PAPPA2: variants seen among roughly 807,000 people sequenced by gnomAD.
PAPPA2 encodes the protein pappalysin 2, also known as pappalysin-2.
A neutral mutation model predicts 176.4 loss-of-function variants in PAPPA2; 86 were observed. The observed-to-expected ratio is 0.49, with a 90% CI of 0.41 to 0.58. The LOEUF is 0.58. Ranked by LOEUF, PAPPA2 falls within the 20% of genes least tolerant of loss-of-function variation. The probability of loss-of-function intolerance (pLI) is 0.00; values close to 1 mark genes in which losing one functional copy is unlikely to be tolerated. For synonymous variants in PAPPA2, 809 were observed against 852.2 expected (o/e 0.95, Z 0.88); for missense variants, 2,073 against 2,256.9 (o/e 0.92, Z 1.65).
chr1:176,657,568 G>A (rs776457508), intron 3 of PAPPA2, among the ~76,000 whole-genome samples: 12 of 151,950 alleles, frequency 7.9e-5, no homozygotes, highest in Non-Finnish European at 1.6e-4. Context: ...TTTATAAATA[G>A]AACCAACAGA....
intron 1 of PAPPA2, among the ~76,000 whole-genome samples, chr1:176,466,614 C>G (rs1651631261): frequency 1.3e-5 from 2 of 152,074 alleles, no homozygotes; most frequent in Non-Finnish European, 2.9e-5. Context: ...GGGAAGGTCT[C>G]ATGGAGAGAG....
intron 19 of PAPPA2, among the ~76,000 whole-genome samples, chr1:176,793,213 G>A (rs536661274): frequency 6.6e-6 from 1 of 152,238 alleles, no homozygotes; most frequent in Admixed American, 6.5e-5. Flanking sequence ...TCTAGCTAGA[G>A]TCCTGGAGGG....
chr1:176,569,882 T>C (rs551364851), intron 2 of PAPPA2, among the ~76,000 whole-genome samples: 47 of 152,318 alleles, frequency 3.1e-4, no homozygotes, highest in African/African-American at 1.1e-3. Context: ...TTCCCCTCAG[T>C]AGTATCTAGA....
intron 1 of PAPPA2, among the ~76,000 whole-genome samples, chr1:176,499,007 A>G (rs780050724): frequency 2.0e-5 from 3 of 151,112 alleles, no homozygotes; most frequent in Non-Finnish European, 4.4e-5. Context: ...TTTTTTTCTA[A>G]TATTAATTTA....
At chr1:176,629,441 C>G (rs1656222216) in intron 3 of PAPPA2, among the ~76,000 whole-genome samples, 1 of 152,054 alleles carries the variant, frequency 6.6e-6, no homozygotes, top group Non-Finnish European at 1.5e-5. Flanking sequence ...ATGGGTCTGC[C>G]AGAGCCTCAG....
intron 5 of PAPPA2, among the ~76,000 whole-genome samples, chr1:176,691,807 C>A (rs982037737): frequency 2.0e-5 from 3 of 152,176 alleles, no homozygotes; most frequent in African/African-American, 7.2e-5. Context: ...GTGAAAAGGC[C>A]ATCTGTTGAA....
At chr1:176,673,416 C>T (rs61822993) in intron 4 of PAPPA2, among the ~76,000 whole-genome samples, 9,966 of 152,124 alleles carry the variant, frequency 0.066, 359 homozygotes, top group South Asian at 0.14. Flanking sequence ...AAGAAAATAT[C>T]TCCAACTTGA....
At chr1:176,677,804 A>G (rs954285493) in intron 4 of PAPPA2, among the ~76,000 whole-genome samples, 1 of 152,126 alleles carries the variant, frequency 6.6e-6, no homozygotes, top group Non-Finnish European at 1.5e-5. Flanking sequence ...TACCATACTC[A>G]TTGTCATTGA....
rs771865699 is a variant in PAPPA2 at position 176,692,293 on chromosome 1, C to T, written c.2599C>T (p.Pro867Ser). Residue 867 changes from proline (P) to serine (S), a missense_variant, in exon 6 of 23, where the codon CCT (proline) becomes TCT (serine). Transcript: ENST00000367662. Reference sequence around the variant, plus strand: ...GTCCCTCACTATCCACTGGCTGCCTCCTATTAGTGGAGTTGTATATGACAG... The same window carrying T: ...GTCCCTCACTATCCACTGGCTGCCTTCTATTAGTGGAGTTGTATATGACAG... ...NKSLTIHWLP[P>S]ISGVVYDRAS... 1.2e-6 allele frequency: 2 copies of T among 1,613,658 alleles called. No homozygotes were observed. Among genetic ancestry groups the T allele is most frequent in the Non-Finnish European group, 1.7e-6 (2 of 1,179,680 alleles).
intron 1 of PAPPA2, among the ~76,000 whole-genome samples, chr1:176,540,582 G>C (rs964721448): frequency 6.6e-6 from 1 of 152,116 alleles, no homozygotes; most frequent in African/African-American, 2.4e-5. Context: ...AGTGGTGGCT[G>C]GTATCTAGAA....
intron 3 of PAPPA2, among the ~76,000 whole-genome samples, chr1:176,609,861 A>G (rs1377269326): frequency 6.6e-6 from 1 of 152,210 alleles, no homozygotes; most frequent in African/African-American, 2.4e-5. Context: ...AAGATATTTC[A>G]TAAGTGGAAG....
chr1:176,797,691 C>T (rs1478197385), intron 20 of PAPPA2, among the ~76,000 whole-genome samples: 1 of 151,780 alleles, frequency 6.6e-6, no homozygotes, highest in Admixed American at 6.6e-5. Context: ...AAAATTGTTT[C>T]ACCTCTCACC....
In PAPPA2 at chr1:176,569,274, A is replaced by G. The variant is rs536932860; in HGVS notation, c.919+12033A>G. ...AACACCAAACCATTAGCAGTGCCAC[A>G]GATACAGCACTCTCCCTGGCCTCTA... On this transcript the variant is annotated intron_variant, in intron 2 of 22. Coordinates refer to ENST00000367662, the MANE Select transcript of PAPPA2 (RefSeq NM_020318.3). Among the ~76,000 whole-genome samples the G allele has an allele frequency of 6.6e-5, 10 of 152,334 alleles. No individual in the cohort carries two copies. In the East Asian group the frequency reaches 1.5e-3, roughly 24 times the overall value.
intron 2 of PAPPA2, among the ~76,000 whole-genome samples, chr1:176,580,838 G>A (rs1321410088): frequency 6.6e-6 from 1 of 151,556 alleles, no homozygotes; most frequent in African/African-American, 2.4e-5. Context: ...TTGTACTTTT[G>A]CCATTGAAAT....
chr1:176,689,492 A>G (rs1337502294), intron 4 of PAPPA2, among the ~76,000 whole-genome samples: 3 of 152,180 alleles, frequency 2.0e-5, no homozygotes, highest in Non-Finnish European at 4.4e-5. Context: ...TGTTGAGAGT[A>G]GGGATTATTA....
chr1:176,542,718 G>T (rs968128492), intron 1 of PAPPA2, among the ~76,000 whole-genome samples: 2 of 152,148 alleles, frequency 1.3e-5, no homozygotes, highest in African/African-American at 4.8e-5. Context: ...TTGATTTCCT[G>T]CTCCTGCTAT....
chr1:176,766,080 C>T (rs954274665), intron 15 of PAPPA2, among the ~76,000 whole-genome samples: 1 of 152,124 alleles, frequency 6.6e-6, no homozygotes, highest in African/African-American at 2.4e-5. Context: ...TGTTCTTCTC[C>T]CTTGTTTATT....
At chr1:176,712,312 GC>G (rs574424789) in intron 12 of PAPPA2, among the ~76,000 whole-genome samples, 3 of 151,880 alleles carry the variant, frequency 2.0e-5, no homozygotes, top group Admixed American at 1.3e-4. Flanking sequence ...TCACATCACT[GC>G]CCCCCCTCCA....
At chr1:176,841,697 G>A (rs2102993943) in intron 22 of PAPPA2, among the ~76,000 whole-genome samples, 1 of 152,246 alleles carries the variant, frequency 6.6e-6, no homozygotes, top group South Asian at 2.1e-4. Flanking sequence ...ATGAGGAAGA[G>A]ATAGTTACAT....
Sources: gnomAD v4.1 joint callset for allele counts (sites outside exome capture counted in the v4.1 genomes callset) on GRCh38, gnomAD v4.1.1 for gene constraint, MANE v1.5 for transcripts, NCBI Gene and HGNC (gene_info 2026-07-23, HGNC 2026-07-21) for gene names.